The following MAGI2 variants were observed in gnomAD, a reference collection of about 807,000 sequenced individuals.
MAGI2 encodes the protein membrane associated guanylate kinase, WW and PDZ domain containing 2.
Under a neutral mutation model 133.3 loss-of-function variants are expected in MAGI2, and 35 were observed. The observed-to-expected ratio is 0.26, with a 90% CI of 0.20 to 0.35. The LOEUF (loss-of-function observed/expected upper bound fraction) is 0.35, where lower values mean the gene tolerates loss of function less well. MAGI2 is among the 10% of genes least tolerant of loss of function. The probability of loss-of-function intolerance (pLI) is 1.00; values close to 1 mark genes in which losing one functional copy is unlikely to be tolerated. For synonymous variants in MAGI2, 729 were observed against 710.6 expected (o/e 1.03, Z -0.41); for missense variants, 1,636 against 1,863.4 (o/e 0.88, Z 2.25).
intron 2 of MAGI2, among the ~76,000 whole-genome samples, chr7:78,827,549 A>C (rs1463598319): frequency 6.6e-6 from 1 of 152,078 alleles, no homozygotes; most frequent in Non-Finnish European, 1.5e-5. Flanking sequence ...TGTGCTGGGA[A>C]TACATGGCGG....
chr7:78,353,074 A>G (rs1002770037), intron 7 of MAGI2: 2 of 152,198 alleles, frequency 1.3e-5, no homozygotes, highest in African/African-American at 2.4e-5. Context: ...TATCTCTCTA[A>G]AATGTTATTG....
intron 1 of MAGI2, among the ~76,000 whole-genome samples, chr7:79,336,817 C>T (rs373508064): frequency 6.6e-6 from 1 of 151,806 alleles, no homozygotes; most frequent in East Asian, 1.9e-4. Flanking sequence ...ATACAGAGAT[C>T]GAGAATAACA....
At chr7:78,373,487 A>T (rs1052511762) in intron 6 of MAGI2, among the ~76,000 whole-genome samples, 2 of 152,092 alleles carry the variant, frequency 1.3e-5, no homozygotes, top group Non-Finnish European at 2.9e-5. Flanking sequence ...TATTTTTGTA[A>T]TTTTTTAGAA....
At chr7:78,438,283 A>C (rs1584117705) in intron 6 of MAGI2, among the ~76,000 whole-genome samples, 1 of 151,878 alleles carries the variant, frequency 6.6e-6, no homozygotes, top group East Asian at 1.9e-4. Context: ...CAAAAAAAAA[A>C]AATCCTGAGC....
intron 3 of MAGI2, among the ~76,000 whole-genome samples, chr7:78,550,512 C>T (rs1799242577): frequency 6.6e-6 from 1 of 152,140 alleles, no homozygotes; most frequent in South Asian, 2.1e-4. Flanking sequence ...TCTAGATACT[C>T]TAAAATCTAC....
intron 6 of MAGI2, among the ~76,000 whole-genome samples, chr7:78,460,339 A>G (rs975219558): frequency 6.6e-5 from 10 of 152,232 alleles, no homozygotes; most frequent in African/African-American, 2.4e-4. Context: ...AAAGAATTCT[A>G]CATTTAACTG....
chr7:78,657,093 T>C (rs1419907256), intron 2 of MAGI2, among the ~76,000 whole-genome samples: 1 of 151,622 alleles, frequency 6.6e-6, no homozygotes, highest in South Asian at 2.1e-4. Flanking sequence ...CCATATCATA[T>C]GTCATCAGGG....
At position 78,328,530 on chromosome 7, in the gene MAGI2, C is replaced by CACACACA. The variant is rs10525463; in HGVS notation, c.1408+15247_1408+15248insTGTGTGT. On this transcript the variant is annotated intron_variant, in intron 9 of 21. Transcript: ENST00000354212. Reference sequence around the variant, plus strand: ...ACACACACACACACACACACACACACCCCTCTCTCTCTCTCTCTTACTTTA... The same window carrying CACACACA: ...ACACACACACACACACACACACACACACACACACCCTCTCTCTCTCTCTCTTACTTTA... Among the ~76,000 whole-genome samples, 427 of 124,776 alleles carry CACACACA rather than the reference C, an allele frequency of 3.4e-3. 7 individuals carry two copies. The highest frequency in any genetic ancestry group is 0.013 in the African/African-American group (387 of 30,822). The allele number at this position is 124,776 out of a possible 152,430, so 81.9% of individuals were successfully genotyped here.
intron 6 of MAGI2, among the ~76,000 whole-genome samples, chr7:78,425,373 C>T (rs1799187087): frequency 6.6e-6 from 1 of 152,084 alleles, no homozygotes; most frequent in Non-Finnish European, 1.5e-5. Context: ...ATTGCCCAGT[C>T]TTGGGTGTGT....
chr7:78,922,145 C>A (rs988447526), intron 2 of MAGI2, among the ~76,000 whole-genome samples: 4 of 127,796 alleles, frequency 3.1e-5, no homozygotes, highest in African/African-American at 9.7e-5. Context: ...TTCTTTCTTT[C>A]TTTATTTTTT....
intron 1 of MAGI2, among the ~76,000 whole-genome samples, chr7:79,450,106 A>C (rs922810601): frequency 2.6e-5 from 4 of 151,950 alleles, no homozygotes; most frequent in Non-Finnish European, 5.9e-5. Flanking sequence ...AACTATGATA[A>C]TTCTTGTAGT....
At chr7:78,779,594 A>T (rs554373342) in intron 2 of MAGI2, among the ~76,000 whole-genome samples, 79 of 152,308 alleles carry the variant, frequency 5.2e-4, no homozygotes, top group African/African-American at 1.9e-3. Flanking sequence ...GATTAAGGAG[A>T]CTTACCCTGG....
intron 6 of MAGI2, among the ~76,000 whole-genome samples, chr7:78,378,845 T>C (rs569926037): frequency 6.6e-6 from 1 of 152,100 alleles, no homozygotes; most frequent in African/African-American, 2.4e-5. Context: ...AATAATAATA[T>C]GTAAATGTCT....
At chr7:78,301,984 T>C (rs978685593) in intron 9 of MAGI2, among the ~76,000 whole-genome samples, 3 of 152,328 alleles carry the variant, frequency 2.0e-5, no homozygotes, top group African/African-American at 7.2e-5. Flanking sequence ...AATGATCTAA[T>C]GCACGTAGAG....
chr7:79,453,291 G>A lies in MAGI2; in HGVS notation c.30C>T (p.His10=). MSKSLKKKS[H]WTSKVHESVI... ...CACTCTCATGGACTTTGCTAGTCCAGTGGCTTTTCTTTTTCAAGCTTTTGG... is the reference window on the plus strand; with the variant it reads ...CACTCTCATGGACTTTGCTAGTCCAATGGCTTTTCTTTTTCAAGCTTTTGG... Residue 10 remains histidine (H), a synonymous_variant, in exon 1 of 22, where the codon CAC becomes CAT. Transcript: ENST00000354212. 10 of 1,612,550 alleles carry A rather than the reference G, an allele frequency of 6.2e-6. No homozygotes were observed. Among genetic ancestry groups the A allele is most frequent in the Non-Finnish European group, 8.5e-6 (10 of 1,179,216 alleles).
intron 1 of MAGI2, among the ~76,000 whole-genome samples, chr7:79,018,086 C>G (rs1203364636): frequency 6.6e-6 from 1 of 151,890 alleles, no homozygotes; most frequent in African/African-American, 2.4e-5. Context: ...ATTTAGAGAA[C>G]CCCTCCAAAA....
intron 2 of MAGI2, among the ~76,000 whole-genome samples, chr7:78,758,361 C>G (rs143573530): frequency 1.6e-4 from 24 of 152,124 alleles, no homozygotes; most frequent in African/African-American, 5.8e-4. Flanking sequence ...ATGAAGTATG[C>G]TAGAAATAGA....
At chr7:78,574,743 T>C (rs1447431080) in intron 3 of MAGI2, among the ~76,000 whole-genome samples, 11 of 152,264 alleles carry the variant, frequency 7.2e-5, no homozygotes, top group Non-Finnish European at 1.5e-5. Context: ...TGGAAAGTGA[T>C]AAATGTCATT....
At chr7:78,048,949 A>G (rs903906818) in intron 21 of MAGI2, among the ~76,000 whole-genome samples, 4 of 21,450 alleles carry the variant, frequency 1.9e-4, no homozygotes, top group African/African-American at 5.8e-4. Context: ...CTACTAAAAT[A>G]CAAAAAAAAT....
Sources: gnomAD v4.1 joint callset for allele counts (sites outside exome capture counted in the v4.1 genomes callset) on GRCh38, gnomAD v4.1.1 for gene constraint, MANE v1.5 for transcripts, NCBI Gene and HGNC (gene_info 2026-07-23, HGNC 2026-07-21) for gene names.